XPO7: variants seen among roughly 807,000 people sequenced by gnomAD.
The protein encoded by XPO7 is exportin-7.
In XPO7, 21 loss-of-function variants were observed where a neutral mutation model predicts 144.3. That is an observed-to-expected ratio of 0.15 (90% CI 0.10 to 0.21). The LOEUF (loss-of-function observed/expected upper bound fraction) is 0.21. Among genes scored for constraint, XPO7 ranks in the 10% least tolerant of loss-of-function variants. The pLI is 1.00. For synonymous variants in XPO7, 580 were observed against 499.6 expected (o/e 1.16, Z -2.15); for missense variants, 808 against 1,325.8 (o/e 0.61, Z 6.06).
At chr8:21,932,593 G>GC (rs146239065) in intron 1 of XPO7, among the ~76,000 whole-genome samples, 6,703 of 152,218 alleles carry the variant, frequency 0.044, 235 homozygotes, top group Non-Finnish European at 0.056. Context: ...GTTTTCTCAT[G>GC]CGAAAAGGGA....
chr8:22,001,393 C>T (rs1813142134), intron 24 of XPO7, among the ~76,000 whole-genome samples: 1 of 152,104 alleles, frequency 6.6e-6, no homozygotes, highest in Admixed American at 6.5e-5. Flanking sequence ...CTTGTTTACT[C>T]TTTTAAGGGT....
intron 1 of XPO7, among the ~76,000 whole-genome samples, chr8:21,961,648 T>A (rs2117313134): frequency 6.6e-6 from 1 of 152,174 alleles, no homozygotes; most frequent in South Asian, 2.1e-4. Flanking sequence ...AGTCATTTTT[T>A]TCATTTTGTT....
At chr8:21,999,422 T>C in intron 23 of XPO7, 114 bp from the exon 24 acceptor site, 1 of 1,564,548 alleles carries the variant, frequency 6.4e-7, no homozygotes, top group Admixed American at 1.8e-5. Flanking sequence ...CCTTTTGCTC[T>C]AACTAAGTCT....
chr8:21,949,608 T>A (rs1811304068), intron 1 of XPO7, among the ~76,000 whole-genome samples: 1 of 152,208 alleles, frequency 6.6e-6, no homozygotes, highest in Non-Finnish European at 1.5e-5. Context: ...TTACCTATAG[T>A]GTTAAAGGCC....
intron 21 of XPO7, among the ~76,000 whole-genome samples, chr8:21,998,320 A>G (rs1813021385): frequency 6.6e-6 from 1 of 152,216 alleles, no homozygotes; most frequent in Non-Finnish European, 1.5e-5. Context: ...GGGCACCTGT[A>G]GTCCCAGCTA....
chr8:21,945,610 C>G (rs1287717829), intron 1 of XPO7, among the ~76,000 whole-genome samples: 1 of 152,178 alleles, frequency 6.6e-6, no homozygotes, highest in Non-Finnish European at 1.5e-5. Context: ...CCCCAAAATG[C>G]TTAGTAAATA....
rs190213027 is a variant in XPO7 at position 21,928,867 on chromosome 8, C to T, written c.18+9079C>T. Among the ~76,000 whole-genome samples, 4 of 152,266 alleles carry T rather than the reference C, an allele frequency of 2.6e-5. No individual in the cohort carries two copies. In the East Asian group the frequency reaches 5.8e-4, roughly 22 times the overall value. ...GGAACATGCATTCATCTATGTATCC[C>T]GTATGGCTATTTTTGTACCACAGTG... On this transcript the variant is annotated intron_variant, in intron 1 of 27. Transcript: ENST00000252512.
intron 26 of XPO7, among the ~76,000 whole-genome samples, chr8:22,003,518 T>C (rs537931443): frequency 9.9e-5 from 15 of 152,164 alleles, no homozygotes; most frequent in Non-Finnish European, 2.2e-4. Context: ...GTGTGGTAGC[T>C]CACAGACACA....
At chr8:21,961,387 A>G (rs533155675) in intron 1 of XPO7, among the ~76,000 whole-genome samples, 6 of 151,356 alleles carry the variant, frequency 4.0e-5, no homozygotes, top group Admixed American at 1.3e-4. Context: ...TTTTTTTGTT[A>G]TTATTATTTG....
chr8:21,934,900 G>T (rs980542361), intron 1 of XPO7, among the ~76,000 whole-genome samples: 1 of 152,190 alleles, frequency 6.6e-6, no homozygotes, highest in South Asian at 2.1e-4. Context: ...AGGGACTCAC[G>T]CAAGGTGGAT....
intron 1 of XPO7, among the ~76,000 whole-genome samples, chr8:21,934,314 A>T (rs1810751955): frequency 1.3e-5 from 2 of 152,178 alleles, no homozygotes. Flanking sequence ...TGGGCGGATC[A>T]CCTGAGGTCG....
rs7009474 is a variant in XPO7 at position 21,984,037 on chromosome 8, A to G, written c.1278-609A>G. ...AAAGAAATTTCCTCATCAGTTTGGC[A>G]TTAGAATTCACTTGTTACAAAACCG... is the stretch of plus-strand genomic sequence containing the variant. On this transcript the variant is annotated intron_variant, in intron 11 of 27. Coordinates refer to ENST00000252512, the MANE Select transcript of XPO7 (RefSeq NM_015024.5). 7.1e-3 allele frequency among the ~76,000 whole-genome samples: 1,089 copies of G among 152,360 alleles called. 13 individuals are homozygous for G. Among genetic ancestry groups the G allele is most frequent in the African/African-American group, 0.025 (1,042 of 41,586 alleles).
intron 13 of XPO7, 106 bp downstream of exon 13, chr8:21,985,797 C>G: frequency 1.1e-6 from 1 of 904,522 alleles, no homozygotes; most frequent in South Asian, 1.4e-5. Flanking sequence ...TGCTAACTGC[C>G]CATGAGACAC....
intron 1 of XPO7, among the ~76,000 whole-genome samples, chr8:21,935,596 A>G (rs1269713570): frequency 6.6e-6 from 1 of 152,208 alleles, no homozygotes; most frequent in African/African-American, 2.4e-5. Context: ...TCTCATAGAT[A>G]GGACTTTAAG....
At chr8:21,955,724 CTTTT>C (rs71544845) in intron 1 of XPO7, among the ~76,000 whole-genome samples, 1 of 102,756 alleles carries the variant, frequency 9.7e-6, no homozygotes, top group Non-Finnish European at 1.8e-5. Context: ...CTGTGCTTAC[CTTTT>C]TTTTTTTTTT....
intron 27 of XPO7, among the ~76,000 whole-genome samples, chr8:22,004,389 C>T (rs745666463): frequency 5.3e-5 from 8 of 152,102 alleles, no homozygotes; most frequent in African/African-American, 1.2e-4. Flanking sequence ...CATAAATTTA[C>T]AGTTGACAAA....
chr8:21,981,305 G>C (rs572245203), intron 9 of XPO7, among the ~76,000 whole-genome samples: 3 of 152,294 alleles, frequency 2.0e-5, no homozygotes, highest in African/African-American at 7.2e-5. Context: ...GGTTAGTTGT[G>C]CTGAATGATC....
At chr8:21,954,154 CATA>C (rs898239002) in intron 1 of XPO7, among the ~76,000 whole-genome samples, 2 of 152,136 alleles carry the variant, frequency 1.3e-5, no homozygotes, top group African/African-American at 4.8e-5. Context: ...CATTGTAAAA[CATA>C]ATGATGGAGC....
At chr8:21,955,959 C>A (rs1285987685) in intron 1 of XPO7, among the ~76,000 whole-genome samples, 1 of 152,002 alleles carries the variant, frequency 6.6e-6, no homozygotes, top group East Asian at 1.9e-4. Context: ...GATCTCTTGA[C>A]CTTGTGATCC....
Sources: gnomAD v4.1 joint callset for allele counts (sites outside exome capture counted in the v4.1 genomes callset) on GRCh38, gnomAD v4.1.1 for gene constraint, MANE v1.5 for transcripts, NCBI Gene and HGNC (gene_info 2026-07-23, HGNC 2026-07-21) for gene names.